Variants in PIK3C2G observed in about 807,000 individuals in gnomAD.
The protein encoded by PIK3C2G is phosphatidylinositol 3-kinase C2 domain-containing subunit gamma.
PIK3C2G carries 168 observed loss-of-function variants against 181.1 expected under a neutral mutation model. The observed-to-expected ratio is 0.93, with a 90% confidence interval of 0.82 to 1.05. The LOEUF (loss-of-function observed/expected upper bound fraction) is 1.05. Ranked by LOEUF, PIK3C2G falls within the 50% of genes least tolerant of loss-of-function variation. PIK3C2G has a pLI of 0.00. For synonymous variants in PIK3C2G, 573 were observed against 592.2 expected, an observed-to-expected ratio of 0.97 and a Z score of 0.47; for missense variants, 1,869 against 1,732.8, an observed-to-expected ratio of 1.08 and a Z score of -1.40.
chr12:18,451,447 A>T (rs61810313), intron 18 of PIK3C2G, among the ~76,000 whole-genome samples: 2 of 152,334 alleles, frequency 1.3e-5, no homozygotes, highest in Middle Eastern at 6.8e-3. Flanking sequence ...ACTTTGCTGA[A>T]GTTGCTTATC....
At chr12:18,367,469 A>T (rs567551198) in intron 12 of PIK3C2G, among the ~76,000 whole-genome samples, 1 of 152,306 alleles carries the variant, frequency 6.6e-6, no homozygotes. Flanking sequence ...TTCTCCATTA[A>T]GTCTAGCTAG....
chr12:18,430,993 G>A (rs1946126298), intron 18 of PIK3C2G, among the ~76,000 whole-genome samples: 1 of 151,422 alleles, frequency 6.6e-6, no homozygotes, highest in Admixed American at 6.6e-5. Context: ...TAAAATTTTG[G>A]GGGCAAGTTC....
intron 18 of PIK3C2G, among the ~76,000 whole-genome samples, chr12:18,436,367 A>G (rs752974456): frequency 1.3e-5 from 2 of 152,022 alleles, no homozygotes. Flanking sequence ...CAATCTGATG[A>G]CTCAGCTTAC....
intron 1 of PIK3C2G, among the ~76,000 whole-genome samples, chr12:18,248,238 A>G (rs1207314350): frequency 6.6e-6 from 1 of 152,170 alleles, no homozygotes; most frequent in East Asian, 1.9e-4. Flanking sequence ...CCAATTTGCA[A>G]CTAAAATATG....
At chr12:18,690,694 C>T in the PIK3C2G span, among the ~76,000 whole-genome samples, 1 of 152,112 alleles carries the variant, frequency 6.6e-6, no homozygotes, top group Non-Finnish European at 1.5e-5. Flanking sequence ...TAGGAAAATG[C>T]TTTCAAAAAG....
chr12:18,636,921 A>G (rs907902296), intron 31 of PIK3C2G, among the ~76,000 whole-genome samples: 2 of 152,196 alleles, frequency 1.3e-5, no homozygotes, highest in Non-Finnish European at 2.9e-5. Flanking sequence ...CAGGAAACCA[A>G]TGTGAGGGCT....
intron 14 of PIK3C2G, among the ~76,000 whole-genome samples, chr12:18,390,852 A>G (rs1476391437): frequency 6.6e-6 from 1 of 152,142 alleles, no homozygotes; most frequent in African/African-American, 2.4e-5. Context: ...GAGACCATAT[A>G]TTATTATTTC....
At chr12:18,673,204 G>T in the PIK3C2G span, among the ~76,000 whole-genome samples, 1 of 151,850 alleles carries the variant, frequency 6.6e-6, no homozygotes, top group Non-Finnish European at 1.5e-5. Context: ...CCTCATAAAG[G>T]GTACAGGAAA....
intron 1 of PIK3C2G, among the ~76,000 whole-genome samples, chr12:18,277,519 C>G (rs1949033588): frequency 6.6e-6 from 1 of 152,104 alleles, no homozygotes; most frequent in African/African-American, 2.4e-5. Flanking sequence ...AATTAAAACA[C>G]TGGTAAATTG....
rs1045832224 is a variant in PIK3C2G at position 18,286,937 on chromosome 12, C to A, written c.761+8C>A. On this transcript the variant is annotated splice_region_variant and intron_variant, in intron 3 of 32. Transcript: ENST00000538779. ...TTGCAACAAAGTAAAAAAGTGAGTACTGGTATTTCATTAAACTTTGAAATT... is the reference window on the plus strand; with the variant it reads ...TTGCAACAAAGTAAAAAAGTGAGTAATGGTATTTCATTAAACTTTGAAATT... 15 of 1,471,942 alleles carry A rather than the reference C, an allele frequency of 1.0e-5. No homozygotes were observed. Among genetic ancestry groups the A allele is most frequent in the African/African-American group, 2.8e-5 (2 of 70,566 alleles). The allele number at this position is 1,471,942 out of a possible 1,614,324, so 91.2% of individuals were successfully genotyped here.
intron 17 of PIK3C2G, 133 bp from the exon 18 acceptor site, chr12:18,423,812 C>T (rs1025425615): frequency 1.3e-5 from 8 of 622,894 alleles, no homozygotes; most frequent in East Asian, 5.5e-5. Flanking sequence ...ATAAAATCAT[C>T]GAATGTGTTA....
At chr12:18,635,660 T>C (rs1464569662) in intron 31 of PIK3C2G, among the ~76,000 whole-genome samples, 1 of 152,186 alleles carries the variant, frequency 6.6e-6, no homozygotes, top group Non-Finnish European at 1.5e-5. Context: ...CATCATCTTT[T>C]CTGCCACTGA....
At chr12:18,429,950 A>G (rs1348181440) in intron 18 of PIK3C2G, among the ~76,000 whole-genome samples, 1 of 152,194 alleles carries the variant, frequency 6.6e-6, no homozygotes, top group Non-Finnish European at 1.5e-5. Flanking sequence ...TCTCTAAGAT[A>G]TAATTTACAT....
At chr12:18,379,002 TC>T (rs1408728617) in intron 13 of PIK3C2G, among the ~76,000 whole-genome samples, 1 of 152,072 alleles carries the variant, frequency 6.6e-6, no homozygotes, top group Non-Finnish European at 1.5e-5. Flanking sequence ...GATCCAGCCA[TC>T]CCATTACTGG....
intron 18 of PIK3C2G, among the ~76,000 whole-genome samples, chr12:18,463,031 G>GT (rs2135944017): frequency 6.6e-6 from 1 of 152,178 alleles, no homozygotes; most frequent in South Asian, 2.1e-4. Flanking sequence ...TAAAAATAGA[G>GT]TTTTTCTATA....
chr12:18,542,552 C>A (rs889260167), intron 25 of PIK3C2G, among the ~76,000 whole-genome samples: 1 of 151,836 alleles, frequency 6.6e-6, no homozygotes, highest in Non-Finnish European at 1.5e-5. Context: ...GCTTCTCACC[C>A]TCCTCCTACC....
chr12:18,331,325 C>A (rs567039693), intron 8 of PIK3C2G, among the ~76,000 whole-genome samples: 69 of 152,216 alleles, frequency 4.5e-4, no homozygotes, highest in Non-Finnish European at 8.4e-4. Flanking sequence ...TGATCTATTT[C>A]TTCACCTACA....
chr12:18,406,956 T>C (rs1024086144), intron 16 of PIK3C2G, among the ~76,000 whole-genome samples: 1 of 152,180 alleles, frequency 6.6e-6, no homozygotes, highest in South Asian at 2.1e-4. Context: ...GATTTCACAG[T>C]TGATAACATA....
At chr12:18,395,993 G>C (rs74906378) in intron 15 of PIK3C2G, among the ~76,000 whole-genome samples, 19,515 of 151,148 alleles carry the variant, frequency 0.13, 1,303 homozygotes, top group African/African-American at 0.16. Context: ...AAAAAAACAC[G>C]CCATAGAAAC....
Sources: allele counts gnomAD v4.1 joint callset (sites outside exome capture counted in the v4.1 genomes callset), GRCh38; gene constraint gnomAD v4.1.1; transcripts MANE v1.5; gene names NCBI Gene and HGNC (gene_info 2026-07-23, HGNC 2026-07-21).